Variants in FER observed in about 807,000 individuals in gnomAD.
FER encodes tyrosine-protein kinase Fer.
A neutral mutation model predicts 111.0 loss-of-function variants in FER; 63 were observed. The observed-to-expected ratio is 0.57, with a 90% CI of 0.46 to 0.70. The LOEUF is 0.70. FER is among the 30% of genes least tolerant of loss of function. The pLI is 0.00. For missense variants in FER, 914 were observed against 954.0 expected (o/e 0.96, Z 0.55); for synonymous variants, 327 against 313.9 (o/e 1.04, Z -0.44).
At chr5:109,044,188 T>G (rs1201772743) in intron 14 of FER, among the ~76,000 whole-genome samples, 3 of 151,730 alleles carry the variant, frequency 2.0e-5, no homozygotes, top group African/African-American at 4.8e-5. Flanking sequence ...AGGCCTTTTT[T>G]TTTTTTTGGA....
intron 5 of FER, among the ~76,000 whole-genome samples, chr5:108,853,128 T>C (rs990809621): frequency 1.3e-5 from 2 of 152,276 alleles, no homozygotes; most frequent in East Asian, 3.9e-4. Context: ...TATCAGAGGG[T>C]AGAATTGATA....
At chr5:108,935,983 T>C (rs150985722) in intron 10 of FER, among the ~76,000 whole-genome samples, 59 of 152,118 alleles carry the variant, frequency 3.9e-4, no homozygotes, top group African/African-American at 1.3e-3. Context: ...TTGGGAAATA[T>C]GAGGTCTGTG....
chr5:109,079,053 C>A (rs1457513631), intron 16 of FER, among the ~76,000 whole-genome samples: 2 of 152,098 alleles, frequency 1.3e-5, no homozygotes, highest in Non-Finnish European at 2.9e-5. Context: ...AGTTGAATAT[C>A]AGATTGAGTG....
At chr5:108,879,697 AAAAAATATATATATAT>A (rs1186663216) in intron 8 of FER, among the ~76,000 whole-genome samples, 4 of 96,052 alleles carry the variant, frequency 4.2e-5, no homozygotes, top group African/African-American at 6.1e-5. Flanking sequence ...TTAGATTAAA[AAAAAATATATATATAT>A]ATATATATAT....
At chr5:109,096,663 T>C (rs1747564970) in intron 16 of FER, among the ~76,000 whole-genome samples, 1 of 137,920 alleles carries the variant, frequency 7.3e-6, no homozygotes, top group Non-Finnish European at 1.7e-5. Context: ...TATCTAATCT[T>C]CTTAAGATTT....
At chr5:108,985,103 T>C (rs1394553786) in intron 13 of FER, among the ~76,000 whole-genome samples, 1 of 152,098 alleles carries the variant, frequency 6.6e-6, no homozygotes, top group East Asian at 1.9e-4. Flanking sequence ...CTCATAAAAA[T>C]AGGGAGAAAC....
chr5:108,952,663 G>C (rs1364389789), intron 11 of FER, among the ~76,000 whole-genome samples: 1 of 151,990 alleles, frequency 6.6e-6, no homozygotes, highest in East Asian at 1.9e-4. Flanking sequence ...TTACTATTTA[G>C]TTTTTTAAAA....
intron 8 of FER, among the ~76,000 whole-genome samples, chr5:108,882,995 C>T (rs1765824531): frequency 1.3e-5 from 2 of 151,916 alleles, no homozygotes; most frequent in South Asian, 2.1e-4. Flanking sequence ...CTATATATCT[C>T]ATAAGATTGT....
chr5:109,152,697 C>T (rs1754978977), intron 17 of FER, among the ~76,000 whole-genome samples: 1 of 151,804 alleles, frequency 6.6e-6, no homozygotes, highest in Non-Finnish European at 1.5e-5. Flanking sequence ...TATATACATG[C>T]CTTTATTATA....
At chr5:108,753,467 T>G (rs1750725468) in intron 1 of FER, among the ~76,000 whole-genome samples, 1 of 152,134 alleles carries the variant, frequency 6.6e-6, no homozygotes, top group Non-Finnish European at 1.5e-5. Context: ...TTGTCTGGAT[T>G]CCTGATTTAT....
chr5:109,124,851 T>G (rs1043836935), intron 17 of FER, among the ~76,000 whole-genome samples: 2 of 151,874 alleles, frequency 1.3e-5, no homozygotes, highest in African/African-American at 2.4e-5. Context: ...TCCAGACCAT[T>G]CTGGCTAACA....
chr5:109,073,049 C>T (rs1035871817), intron 16 of FER, among the ~76,000 whole-genome samples: 3 of 151,984 alleles, frequency 2.0e-5, no homozygotes, highest in Non-Finnish European at 4.4e-5. Context: ...AAGAGCCCAC[C>T]CTAATATGAT....
chr5:109,108,821 C>T (rs1749258607), intron 17 of FER, among the ~76,000 whole-genome samples: 2 of 152,158 alleles, frequency 1.3e-5, no homozygotes, highest in Non-Finnish European at 1.5e-5. Context: ...TTATCTCCTA[C>T]TTTCTGGCCT....
chr5:109,184,007 A>T (rs954900015), intron 18 of FER, among the ~76,000 whole-genome samples: 1 of 152,158 alleles, frequency 6.6e-6, no homozygotes, highest in Admixed American at 6.5e-5. Context: ...TTAAAAAAAA[A>T]TACAAAATGG....
At chr5:108,776,166 A>G (rs1753461329) in intron 2 of FER, among the ~76,000 whole-genome samples, 1 of 152,190 alleles carries the variant, frequency 6.6e-6, no homozygotes, top group African/African-American at 2.4e-5. Context: ...TTCAAGCTGT[A>G]TTGAATTTCC....
chr5:109,024,344 T>C (rs2149838979), intron 13 of FER, among the ~76,000 whole-genome samples: 1 of 152,272 alleles, frequency 6.6e-6, no homozygotes, highest in African/African-American at 2.4e-5. Flanking sequence ...CCTTGAAGCC[T>C]GGACAAGGTT....
At chr5:109,013,908 C>T (rs1233152129) in intron 13 of FER, among the ~76,000 whole-genome samples, 35 of 152,080 alleles carry the variant, frequency 2.3e-4, no homozygotes, top group Middle Eastern at 3.4e-3. Context: ...TCATGTCCTT[C>T]TCCCACTTTT....
chr5:109,100,188 A>G (rs781623971), intron 16 of FER, among the ~76,000 whole-genome samples: 11 of 151,804 alleles, frequency 7.2e-5, no homozygotes, highest in Admixed American at 1.3e-4. Context: ...CTTAAACGGT[A>G]TCTAGAAGAG....
At chr5:108,977,215 T>G (rs1761469996) in intron 13 of FER, among the ~76,000 whole-genome samples, 1 of 152,212 alleles carries the variant, frequency 6.6e-6, no homozygotes, top group African/African-American at 2.4e-5. Flanking sequence ...CATTTTTATG[T>G]TCATATTTTT....
Sources: allele counts gnomAD v4.1 joint callset (sites outside exome capture counted in the v4.1 genomes callset), GRCh38; gene constraint gnomAD v4.1.1; transcripts MANE v1.5; gene names NCBI Gene and HGNC (gene_info 2026-07-23, HGNC 2026-07-21).